LRRC8C: variants seen among roughly 807,000 people sequenced by gnomAD.
LRRC8C encodes leucine rich repeat containing 8 VRAC subunit C, also known as volume-regulated anion channel subunit LRRC8C.
Under a neutral mutation model 55.3 loss-of-function variants are expected in LRRC8C, and 20 were observed. That is an observed-to-expected ratio of 0.36 (90% CI 0.25 to 0.53). LRRC8C has a LOEUF of 0.53. LRRC8C is among the 20% of genes least tolerant of loss of function. The pLI, the probability that LRRC8C is intolerant of heterozygous loss-of-function variation, is 0.92. For synonymous variants in LRRC8C, 376 were observed against 360.7 expected (o/e 1.04, Z -0.48); for missense variants, 659 against 951.4 (o/e 0.69, Z 4.04).
chr1:89,622,859 C>G, the LRRC8C span, among the ~76,000 whole-genome samples: 5 of 151,976 alleles, frequency 3.3e-5, no homozygotes, highest in African/African-American at 1.2e-4. Context: ...AGCAAATGAT[C>G]AGATATATTA....
chr1:89,653,404 GTCATGTA>G lies in LRRC8C; in HGVS notation c.-5+20090_-5+20096del, dbSNP rs144864378. 9.4e-3 allele frequency among the ~76,000 whole-genome samples: 1,431 copies of G among 152,296 alleles called. 30 individuals are homozygous for G. The highest frequency in any genetic ancestry group is 0.033 in the African/African-American group (1,357 of 41,554). ...ATGTCTGGCAATCAGTCTGTTCACT[GTCATGTA>G]TCATGTAGCCTCTAGAAAGCTTCAC... On this transcript the variant is annotated intron_variant, in intron 1 of 2. Transcript: ENST00000370454.
At chr1:89,677,945 T>C (rs1657594700) in intron 1 of LRRC8C, among the ~76,000 whole-genome samples, 1 of 152,236 alleles carries the variant, frequency 6.6e-6, no homozygotes, top group African/African-American at 2.4e-5. Flanking sequence ...TATTTCCATC[T>C]TTTCACTGCC....
At chr1:89,691,639 T>C (rs1467062246) in intron 2 of LRRC8C, among the ~76,000 whole-genome samples, 1 of 152,186 alleles carries the variant, frequency 6.6e-6, no homozygotes, top group African/African-American at 2.4e-5. Context: ...ATTTTTCAGA[T>C]GAGAATTCCA....
chr1:89,679,065 G>C (rs1003859587), intron 1 of LRRC8C, among the ~76,000 whole-genome samples: 1 of 152,156 alleles, frequency 6.6e-6, no homozygotes, highest in Non-Finnish European at 1.5e-5. Flanking sequence ...ATCACAAGGG[G>C]AGTGAATGCA....
chr1:89,709,908 C>T (rs1487254768), intron 2 of LRRC8C, among the ~76,000 whole-genome samples: 1 of 151,994 alleles, frequency 6.6e-6, no homozygotes, highest in Non-Finnish European at 1.5e-5. Flanking sequence ...CCCGCCACCG[C>T]GCCCGGCTAA....
At chr1:89,669,095 G>A (rs756216209) in intron 1 of LRRC8C, among the ~76,000 whole-genome samples, 3 of 152,092 alleles carry the variant, frequency 2.0e-5, no homozygotes, top group Non-Finnish European at 4.4e-5. Flanking sequence ...ACACACAATG[G>A]AATACTACTC....
intron 2 of LRRC8C, among the ~76,000 whole-genome samples, chr1:89,702,343 A>C (rs1264991034): frequency 6.6e-6 from 1 of 152,222 alleles, no homozygotes; most frequent in Non-Finnish European, 1.5e-5. Flanking sequence ...TAACAGTTGG[A>C]ACACAGATTC....
chr1:89,706,496 T>C, intron 2 of LRRC8C: 2 of 345,636 alleles, frequency 5.8e-6, no homozygotes, highest in Non-Finnish European at 1.1e-5. Flanking sequence ...GGACTAAGAC[T>C]TAAATAACAT....
At position 89,668,814 on chromosome 1, in the gene LRRC8C, A is replaced by G. The variant is rs551822765; in HGVS notation, c.-4-17656A>G. ...ATTTAATATGGAGGTTCAACAGATAACATGTTTAATGTCTGGCAGTTAGTA... is the reference window on the plus strand; with the variant it reads ...ATTTAATATGGAGGTTCAACAGATAGCATGTTTAATGTCTGGCAGTTAGTA... On this transcript the variant is annotated intron_variant, in intron 1 of 2. Transcript: ENST00000370454. Among the ~76,000 whole-genome samples, 54 of 152,310 alleles carry G rather than the reference A, an allele frequency of 3.5e-4. 1 individual carries two copies. Among genetic ancestry groups the G allele is most frequent in the Admixed American group, 3.5e-3 (54 of 15,284 alleles).
At chr1:89,693,475 T>C (rs1378824848) in intron 2 of LRRC8C, among the ~76,000 whole-genome samples, 1 of 152,048 alleles carries the variant, frequency 6.6e-6, no homozygotes, top group African/African-American at 2.4e-5. Flanking sequence ...GGATTTCTAG[T>C]AGATCTTTTT....
intron 1 of LRRC8C, among the ~76,000 whole-genome samples, chr1:89,634,373 C>T (rs1315303937): frequency 1.3e-5 from 2 of 152,168 alleles, no homozygotes; most frequent in African/African-American, 4.8e-5. Flanking sequence ...CCATTTAAAG[C>T]AGCCTTTGAA....
At chr1:89,649,838 T>G (rs891844865) in intron 1 of LRRC8C, among the ~76,000 whole-genome samples, 2 of 152,216 alleles carry the variant, frequency 1.3e-5, no homozygotes, top group East Asian at 3.8e-4. Flanking sequence ...CTCTTTCTTA[T>G]CACACACCTG....
At chr1:89,710,352 C>T (rs966111686) in intron 2 of LRRC8C, among the ~76,000 whole-genome samples, 2 of 151,600 alleles carry the variant, frequency 1.3e-5, no homozygotes, top group Non-Finnish European at 2.9e-5. Context: ...GCTTGAATCC[C>T]GAGAAATATG....
At chr1:89,711,492 G>A (rs1290167590) in intron 2 of LRRC8C, among the ~76,000 whole-genome samples, 1 of 152,162 alleles carries the variant, frequency 6.6e-6, no homozygotes, top group East Asian at 1.9e-4. Flanking sequence ...CTTTCCCTGC[G>A]TTATTAATTC....
chr1:89,645,742 GAATTA>G (rs1656593142), intron 1 of LRRC8C, among the ~76,000 whole-genome samples: 1 of 151,918 alleles, frequency 6.6e-6, no homozygotes, highest in Admixed American at 6.5e-5. Context: ...GAACCCAATA[GAATTA>G]AATTAGAAAA....
intron 1 of LRRC8C, among the ~76,000 whole-genome samples, chr1:89,671,532 A>G (rs946122619): frequency 3.9e-5 from 6 of 152,170 alleles, no homozygotes; most frequent in African/African-American, 1.2e-4. Flanking sequence ...TGGTTGACCC[A>G]CATGTTGCTG....
At chr1:89,667,546 G>T (rs1254883792) in intron 1 of LRRC8C, among the ~76,000 whole-genome samples, 1 of 152,086 alleles carries the variant, frequency 6.6e-6, no homozygotes, top group Non-Finnish European at 1.5e-5. Context: ...GTAAACCTAG[G>T]GCAGTGGGAG....
At chr1:89,680,614 G>A (rs557127755) in intron 1 of LRRC8C, among the ~76,000 whole-genome samples, 14 of 137,956 alleles carry the variant, frequency 1.0e-4, no homozygotes, top group Non-Finnish European at 2.0e-4. Context: ...AGGCTGGAGT[G>A]CAGTAGTATG....
intron 1 of LRRC8C, among the ~76,000 whole-genome samples, chr1:89,673,886 G>C (rs904204299): frequency 6.6e-6 from 1 of 152,220 alleles, no homozygotes; most frequent in African/African-American, 2.4e-5. Context: ...CGGAGTCAGA[G>C]AGATTGGGGA....
Sources: allele counts gnomAD v4.1 joint callset (sites outside exome capture counted in the v4.1 genomes callset), GRCh38; gene constraint gnomAD v4.1.1; transcripts MANE v1.5; gene names NCBI Gene and HGNC (gene_info 2026-07-23, HGNC 2026-07-21).